Variants in MTRF1 observed in about 807,000 individuals in gnomAD.
MTRF1 encodes the protein mitochondrial translation release factor 1.
In MTRF1, 51 loss-of-function variants were observed where a neutral mutation model predicts 62.9. The ratio of observed to expected loss-of-function variants is 0.81; its 90% CI spans 0.65 to 1.02. The LOEUF (loss-of-function observed/expected upper bound fraction) is 1.02. Among genes scored for constraint, MTRF1 ranks in the 50% least tolerant of loss-of-function variants. The pLI is 0.00. For synonymous variants in MTRF1, 158 were observed against 181.9 expected (o/e 0.87, Z 1.06); for missense variants, 446 against 530.0 (o/e 0.84, Z 1.56).
At chr13:41,306,675 A>G in the MTRF1 span, among the ~76,000 whole-genome samples, 1 of 152,194 alleles carries the variant, frequency 6.6e-6, no homozygotes, top group Non-Finnish European at 1.5e-5. Context: ...TACATATGTA[A>G]AAAGGGCTTT....
chr13:41,250,717 C>A (rs1453072835), intron 5 of MTRF1, among the ~76,000 whole-genome samples: 1 of 152,140 alleles, frequency 6.6e-6, no homozygotes, highest in Non-Finnish European at 1.5e-5. Context: ...TGGTCTCGAA[C>A]TGTCTCCCGA....
chr13:41,233,437 G>A (rs553362742), intron 7 of MTRF1, among the ~76,000 whole-genome samples: 7 of 152,118 alleles, frequency 4.6e-5, no homozygotes, highest in Middle Eastern at 3.4e-3. Flanking sequence ...TTTGAAAAAC[G>A]GTAGGAATAT....
At chr13:41,290,252 CT>C in the MTRF1 span, among the ~76,000 whole-genome samples, 1 of 149,744 alleles carries the variant, frequency 6.7e-6, no homozygotes, top group African/African-American at 2.5e-5. Context: ...CGTGCACCAC[CT>C]ACGTCCGGCT....
In MTRF1 at chr13:41,223,244, C is replaced by CA; in HGVS notation, c.1224+11dup. On this transcript the variant is annotated intron_variant, in intron 9 of 9. Transcript: ENST00000379480. ...AAATCAAAGGTAGGCAAAGCATACT[C>CA]AGTAGTATTACCTTAATATCACGAA... is the stretch of plus-strand genomic sequence containing the variant. 4 of 1,577,360 alleles carry CA rather than the reference C, an allele frequency of 2.5e-6. No individual in the cohort carries two copies. The highest frequency in any genetic ancestry group is 3.5e-6 in the Non-Finnish European group (4 of 1,149,090).
Position 41,217,386 on chromosome 13 carries a change from A to C in MTRF1, c.1225-158T>G, listed in dbSNP as rs532681705. 5.3e-5 allele frequency among the ~76,000 whole-genome samples: 8 copies of C among 152,368 alleles called. No individual in the cohort carries two copies. The East Asian group carries it at 1.5e-3, about 29-fold the overall frequency. ...TGAACACAATCGCTAACTTGGGAAGATCCCCACTCTGTAGAAGAATTCAGT... is the reference window on the plus strand; with the variant it reads ...TGAACACAATCGCTAACTTGGGAAGCTCCCCACTCTGTAGAAGAATTCAGT... On this transcript the variant is annotated intron_variant, in intron 9 of 9. Transcript: ENST00000379480.
chr13:41,220,696 T>C, intron 9 of MTRF1: 1 of 874,792 alleles, frequency 1.1e-6, no homozygotes, highest in South Asian at 1.4e-5. Context: ...TTTCTGTCTA[T>C]TTCTCATTTT....
At chr13:41,278,728 A>T in the MTRF1 span, among the ~76,000 whole-genome samples, 5 of 152,360 alleles carry the variant, frequency 3.3e-5, no homozygotes, top group East Asian at 7.7e-4. Flanking sequence ...ATAAGAACAT[A>T]GATGAAGAAC....
chr13:41,294,506 T>C, the MTRF1 span, among the ~76,000 whole-genome samples: 1 of 151,970 alleles, frequency 6.6e-6, no homozygotes. Context: ...TGGAGGTTAA[T>C]TAAACATTGT....
At chr13:41,274,569 T>C in the MTRF1 span, among the ~76,000 whole-genome samples, 3 of 152,030 alleles carry the variant, frequency 2.0e-5, no homozygotes, top group Non-Finnish European at 4.4e-5. Context: ...TGAACCCCTT[T>C]CCTGTTTGCC....
intron 7 of MTRF1, among the ~76,000 whole-genome samples, chr13:41,227,507 G>A (rs965108865): frequency 1.2e-4 from 19 of 152,080 alleles, no homozygotes; most frequent in African/African-American, 4.6e-4. Context: ...ATTTGGGTGG[G>A]TTTGGCCCAC....
chr13:41,273,307 C>G, the MTRF1 span, among the ~76,000 whole-genome samples: 1 of 142,604 alleles, frequency 7.0e-6, no homozygotes, highest in Non-Finnish European at 1.5e-5. Context: ...GCCTGGGCTA[C>G]AGAGCGAGAC....
At chr13:41,311,254 T>C in the MTRF1 span, 2 of 529,106 alleles carry the variant, frequency 3.8e-6, no homozygotes, top group Admixed American at 7.7e-5. Flanking sequence ...AGGCGGACCC[T>C]GGCTGCCATC....
Position 41,234,908 on chromosome 13 carries a change from G to C in MTRF1, c.871-901C>G, listed in dbSNP as rs577414847. 3.3e-5 allele frequency among the ~76,000 whole-genome samples: 5 copies of C among 152,216 alleles called. No homozygotes were observed. The South Asian group carries it at 1.0e-3, about 32-fold the overall frequency. ...CTGGTTCTGGGGCCAATTTGGACTGGGTTTGAATCTGAACTCTAGCACCTT... is the reference window on the plus strand; with the variant it reads ...CTGGTTCTGGGGCCAATTTGGACTGCGTTTGAATCTGAACTCTAGCACCTT... On this transcript the variant is annotated intron_variant, in intron 6 of 9. Coordinates refer to ENST00000379480, the MANE Select transcript of MTRF1 (RefSeq NM_004294.4).
chr13:41,289,232 ATTTT>A, the MTRF1 span, among the ~76,000 whole-genome samples: 1 of 137,496 alleles, frequency 7.3e-6, no homozygotes, highest in Non-Finnish European at 1.5e-5. Context: ...GTGGATTTAA[ATTTT>A]TTTTTTTTTT....
chr13:41,227,259 G>C (rs1319368430), intron 7 of MTRF1, among the ~76,000 whole-genome samples: 1 of 150,676 alleles, frequency 6.6e-6, no homozygotes, highest in Non-Finnish European at 1.5e-5. Flanking sequence ...GTGACAGAGC[G>C]AGACTCCGTT....
the MTRF1 span, among the ~76,000 whole-genome samples, chr13:41,285,034 A>G: frequency 6.6e-6 from 1 of 152,198 alleles, no homozygotes; most frequent in African/African-American, 2.4e-5. Flanking sequence ...AAATAATCTT[A>G]TTGTGAGTTC....
chr13:41,247,544 T>C (rs924505835), intron 5 of MTRF1, among the ~76,000 whole-genome samples: 1 of 152,212 alleles, frequency 6.6e-6, no homozygotes, highest in Non-Finnish European at 1.5e-5. Context: ...CTGTCTTCTG[T>C]ACAGGCGAAA....
chr13:41,295,865 C>T, the MTRF1 span, among the ~76,000 whole-genome samples: 1 of 152,148 alleles, frequency 6.6e-6, no homozygotes, highest in Non-Finnish European at 1.5e-5. Flanking sequence ...CACTATAAAA[C>T]TAGGCTCAAG....
intron 5 of MTRF1, 77 bp downstream of exon 5, chr13:41,252,568 A>G: frequency 1.7e-6 from 2 of 1,144,456 alleles, no homozygotes; most frequent in Admixed American, 2.2e-5. Flanking sequence ...AAAAAATGGG[A>G]CAATATGGTT....
Sources: allele counts gnomAD v4.1 joint callset (sites outside exome capture counted in the v4.1 genomes callset), GRCh38; gene constraint gnomAD v4.1.1; transcripts MANE v1.5; gene names NCBI Gene and HGNC (gene_info 2026-07-23, HGNC 2026-07-21).